ROBO2: variants seen among roughly 807,000 people sequenced by gnomAD.
The protein encoded by ROBO2 is roundabout homolog 2.
Under a neutral mutation model 160.8 loss-of-function variants are expected in ROBO2, and 53 were observed. The ratio of observed to expected loss-of-function variants is 0.33; its 90% CI spans 0.26 to 0.41. ROBO2 has a LOEUF of 0.41. Ranked by LOEUF, ROBO2 falls within the 10% of genes least tolerant of loss-of-function variation. The pLI, the probability that ROBO2 is intolerant of heterozygous loss-of-function variation, is 1.00. For missense variants in ROBO2, 1,577 were observed against 1,722.4 expected, an observed-to-expected ratio of 0.92 and a Z score of 1.49; for synonymous variants, 664 against 611.7, an observed-to-expected ratio of 1.09 and a Z score of -1.26.
At chr3:76,486,148 C>T (rs1306360155) in intron 2 of ROBO2, among the ~76,000 whole-genome samples, 2 of 152,096 alleles carry the variant, frequency 1.3e-5, no homozygotes, top group Non-Finnish European at 2.9e-5. Context: ...TACCTGTGAA[C>T]CTGCTTGGTG....
At chr3:77,180,416 C>CTCTCTCTATATATA (rs1433740534) in intron 2 of ROBO2, among the ~76,000 whole-genome samples, 17 of 90,720 alleles carry the variant, frequency 1.9e-4, no homozygotes, top group African/African-American at 5.0e-4. Flanking sequence ...CTCTCTCTCT[C>CTCTCTCTATATATA]TATATATATA....
At chr3:77,354,287 A>C (rs2068751415) in intron 2 of ROBO2, among the ~76,000 whole-genome samples, 1 of 152,176 alleles carries the variant, frequency 6.6e-6, no homozygotes. Flanking sequence ...GATAATACAG[A>C]TCAACCTAGA....
At chr3:77,588,893 T>C (rs780819907) in exon 17 of ROBO2, 7 of 1,613,422 alleles carry the variant, frequency 4.3e-6, no homozygotes, top group Non-Finnish European at 5.9e-6. Flanking sequence ...TATGGTTGTA[T>C]TGGCGAAGAA....
intron 2 of ROBO2, among the ~76,000 whole-genome samples, chr3:76,451,141 G>A (rs766981880): frequency 3.0e-4 from 46 of 152,092 alleles, no homozygotes; most frequent in Non-Finnish European, 5.6e-4. Flanking sequence ...AAGGCGACAC[G>A]TTACTTGCCA....
chr3:76,096,795 A>G (rs536581329), intron 2 of ROBO2, among the ~76,000 whole-genome samples: 3 of 152,314 alleles, frequency 2.0e-5, no homozygotes, highest in East Asian at 3.9e-4. Flanking sequence ...TTATACAACA[A>G]TGTAACTATG....
exon 1 of ROBO2, chr3:77,040,323 C>A: frequency 1.0e-6 from 1 of 994,754 alleles, no homozygotes; most frequent in Non-Finnish European, 1.2e-6. Context: ...AGAAGGAAAC[C>A]GGGGGAAAGA....
At position 76,375,251 on chromosome 3, in the gene ROBO2, C is replaced by T. The variant is rs115523300; in HGVS notation, c.109+437649C>T. ...AAGTTTTCTGTATTCACTAAATCCT[C>T]ACTGATAATGTTTGGGTAGTTTTTG... On this transcript the variant is annotated intron_variant, in intron 2 of 26. Coordinates refer to the ROBO2 transcript ENST00000487694. Among the ~76,000 whole-genome samples the T allele has an allele frequency of 1.2e-3, 181 of 152,006 alleles. 1 individual carries two copies. Among genetic ancestry groups the T allele is most frequent in the African/African-American group, 4.2e-3 (173 of 41,510 alleles).
chr3:76,791,355 T>A (rs2063338290), intron 2 of ROBO2, among the ~76,000 whole-genome samples: 1 of 151,826 alleles, frequency 6.6e-6, no homozygotes, highest in Non-Finnish European at 1.5e-5. Context: ...CTCTCTCATG[T>A]TGTGCCAAAG....
At chr3:76,072,900 TCC>T (rs1311682046) in intron 2 of ROBO2, among the ~76,000 whole-genome samples, 1 of 152,214 alleles carries the variant, frequency 6.6e-6, no homozygotes, top group Non-Finnish European at 1.5e-5. Flanking sequence ...GACCTCTGTT[TCC>T]TCATTTGTCA....
chr3:77,281,506 GAA>G (rs5850321), intron 2 of ROBO2, among the ~76,000 whole-genome samples: 44 of 150,618 alleles, frequency 2.9e-4, no homozygotes, highest in East Asian at 1.4e-3. Flanking sequence ...AGAAATGTAA[GAA>G]AAAAAAAAAC....
At chr3:76,516,784 A>G (rs1408933774) in intron 2 of ROBO2, among the ~76,000 whole-genome samples, 1 of 152,178 alleles carries the variant, frequency 6.6e-6, no homozygotes, top group Non-Finnish European at 1.5e-5. Flanking sequence ...AACAGTATTC[A>G]TAAGAAGCAT....
At chr3:76,710,508 A>G (rs998143156) in intron 2 of ROBO2, among the ~76,000 whole-genome samples, 3 of 152,132 alleles carry the variant, frequency 2.0e-5, no homozygotes, top group Non-Finnish European at 4.4e-5. Flanking sequence ...TGTTTGGCCA[A>G]TTTCCAAGTT....
At chr3:76,430,636 T>G (rs2076398086) in intron 2 of ROBO2, among the ~76,000 whole-genome samples, 1 of 152,096 alleles carries the variant, frequency 6.6e-6, no homozygotes, top group African/African-American at 2.4e-5. Flanking sequence ...AAATGGCACA[T>G]TTTTCCCTGG....
At chr3:77,187,645 A>T (rs1358434969) in intron 2 of ROBO2, among the ~76,000 whole-genome samples, 1 of 151,872 alleles carries the variant, frequency 6.6e-6, no homozygotes, top group Non-Finnish European at 1.5e-5. Flanking sequence ...TTTTGAAAAG[A>T]CTTTAGGCAA....
intron 6 of ROBO2, among the ~76,000 whole-genome samples, chr3:77,536,584 T>C (rs1441783029): frequency 6.6e-6 from 1 of 152,150 alleles, no homozygotes; most frequent in Admixed American, 6.6e-5. Flanking sequence ...ACAACACAAT[T>C]GTAAAATGTG....
At chr3:76,940,517 C>G (rs565817783) in intron 2 of ROBO2, among the ~76,000 whole-genome samples, 1 of 152,290 alleles carries the variant, frequency 6.6e-6, no homozygotes, top group South Asian at 2.1e-4. Context: ...ACCAAAAGTG[C>G]TTTTTAAAAT....
At chr3:75,912,167 CTCAAGCATGTGGAGAGA>C (rs1417109769) in intron 1 of ROBO2, among the ~76,000 whole-genome samples, 1 of 152,096 alleles carries the variant, frequency 6.6e-6, no homozygotes, top group Admixed American at 6.5e-5. Flanking sequence ...TTTTGCTGTA[CTCAAGCATGTGGAGAGA>C]AGAGTGCTAG....
Position 77,098,010 on chromosome 3 carries a change from G to A in ROBO2, c.62-4G>A, listed in dbSNP as rs1388703466. 3.9e-6 allele frequency: 6 copies of A among 1,547,580 alleles called. No homozygotes were observed. The highest frequency in any genetic ancestry group is 5.2e-6 in the Non-Finnish European group (6 of 1,144,536). On this transcript the variant is annotated splice_region_variant and splice_polypyrimidine_tract_variant and intron_variant, in intron 1 of 25. Transcript: ENST00000461745. The stretch of plus-strand genomic sequence containing the variant: ...GCTTGTCTTTATTCCGTCATGTTTT[G>A]TAGGATCGCGTCTTCGCCAGGAGGA...
At chr3:76,448,744 A>C (rs1270004718) in intron 2 of ROBO2, among the ~76,000 whole-genome samples, 1 of 152,176 alleles carries the variant, frequency 6.6e-6, no homozygotes, top group Non-Finnish European at 1.5e-5. Context: ...CAGACTTTAC[A>C]TTTGTTAATT....
Sources: allele counts gnomAD v4.1 joint callset (sites outside exome capture counted in the v4.1 genomes callset), GRCh38; gene constraint gnomAD v4.1.1; transcripts MANE v1.5; gene names NCBI Gene and HGNC (gene_info 2026-07-23, HGNC 2026-07-21).